GPC5: variants seen among roughly 807,000 people sequenced by gnomAD.
GPC5 encodes glypican-5.
Under a neutral mutation model 53.9 loss-of-function variants are expected in GPC5, and 47 were observed. The observed-to-expected ratio is 0.87, with a 90% CI of 0.69 to 1.11. GPC5 has a LOEUF of 1.11. Ranked by LOEUF, GPC5 falls within the 50% of genes most tolerant of loss-of-function variation. The pLI, the probability that GPC5 is intolerant of heterozygous loss-of-function variation, is 0.00. For synonymous variants in GPC5, 286 were observed against 263.3 expected (o/e 1.09, Z -0.84); for missense variants, 748 against 713.1 (o/e 1.05, Z -0.56).
intron 3 of GPC5, among the ~76,000 whole-genome samples, chr13:91,695,276 A>G (rs2035855458): frequency 6.6e-6 from 1 of 152,176 alleles, no homozygotes; most frequent in Non-Finnish European, 1.5e-5. Flanking sequence ...GCAATAAACC[A>G]TCTCAAAAGG....
intron 6 of GPC5, chr13:91,996,623 A>G (rs2040506366): frequency 6.6e-6 from 1 of 152,238 alleles, no homozygotes; most frequent in African/African-American, 2.4e-5. Context: ...CACTTAAGTC[A>G]TGAACTAGAA....
chr13:92,114,835 T>A (rs2041587737), intron 6 of GPC5, among the ~76,000 whole-genome samples: 2 of 152,198 alleles, frequency 1.3e-5, no homozygotes, highest in African/African-American at 4.8e-5. Flanking sequence ...AGTGGTTGAG[T>A]AGACAGCAGG....
chr13:92,046,446 T>G (rs984742359), intron 6 of GPC5, among the ~76,000 whole-genome samples: 8 of 152,210 alleles, frequency 5.3e-5, no homozygotes, highest in African/African-American at 1.9e-4. Context: ...GGAGTTTCAA[T>G]TGGATACTAT....
chr13:92,536,633 C>A (rs1230952365), intron 7 of GPC5, among the ~76,000 whole-genome samples: 3 of 151,906 alleles, frequency 2.0e-5, no homozygotes, highest in African/African-American at 4.8e-5. Context: ...TTTATAATGA[C>A]AAAAATCTGA....
intron 3 of GPC5, among the ~76,000 whole-genome samples, chr13:91,724,682 C>G (rs1404500037): frequency 6.6e-6 from 1 of 151,622 alleles, no homozygotes; most frequent in East Asian, 1.9e-4. Flanking sequence ...GATCCCATCT[C>G]TACAAAAAAA....
At chr13:91,683,891 A>C (rs890799207) in intron 2 of GPC5, among the ~76,000 whole-genome samples, 1 of 152,172 alleles carries the variant, frequency 6.6e-6, no homozygotes, top group African/African-American at 2.4e-5. Flanking sequence ...CCATTATAGC[A>C]AACATTTGCA....
rs560583792 is a variant in GPC5 at position 91,864,963 on chromosome 13, G to C, written c.1281-42974G>C. Among the ~76,000 whole-genome samples, 18 of 150,552 alleles carry C rather than the reference G, an allele frequency of 1.2e-4. No homozygotes were observed. In the South Asian group the frequency reaches 3.8e-3, roughly 32 times the overall value. The stretch of plus-strand genomic sequence containing the variant: ...TCTATCACCCAGGCTGGAGTGCAGT[G>C]GTGAGATCTTGGCTCACTGCAACCT... On this transcript the variant is annotated intron_variant, in intron 5 of 7. Coordinates refer to ENST00000377067, the MANE Select transcript of GPC5 (RefSeq NM_004466.6).
At chr13:92,358,665 C>A (rs1198617651) in intron 7 of GPC5, among the ~76,000 whole-genome samples, 1 of 151,806 alleles carries the variant, frequency 6.6e-6, no homozygotes, top group African/African-American at 2.4e-5. Flanking sequence ...CAGGCTTAAC[C>A]CCATGTGGAA....
chr13:91,769,072 G>A (rs575903230), intron 5 of GPC5, among the ~76,000 whole-genome samples: 57 of 152,258 alleles, frequency 3.7e-4, no homozygotes, highest in African/African-American at 6.3e-4. Context: ...TTATGTGATC[G>A]TGGGGACTGG....
intron 4 of GPC5, among the ~76,000 whole-genome samples, chr13:91,744,874 T>C (rs913161551): frequency 6.6e-6 from 1 of 152,098 alleles, no homozygotes; most frequent in African/African-American, 2.4e-5. Flanking sequence ...TGTATTAATA[T>C]CATTAGATTT....
chr13:91,502,285 A>C (rs1884681952), intron 2 of GPC5, among the ~76,000 whole-genome samples: 1 of 151,918 alleles, frequency 6.6e-6, no homozygotes, highest in Non-Finnish European at 1.5e-5. Context: ...TTTTGTTGCC[A>C]TTGCTTTTGG....
intron 2 of GPC5, among the ~76,000 whole-genome samples, chr13:91,570,299 C>A (rs1286956289): frequency 3.3e-5 from 5 of 152,096 alleles, no homozygotes; most frequent in African/African-American, 1.2e-4. Flanking sequence ...TCCAAAAATC[C>A]AAAATCCAAA....
intron 7 of GPC5, among the ~76,000 whole-genome samples, chr13:92,284,664 A>C (rs1374968678): frequency 1.3e-5 from 2 of 152,240 alleles, no homozygotes; most frequent in African/African-American, 2.4e-5. Flanking sequence ...CAATAGATGC[A>C]GAAAACGCCT....
At chr13:92,471,306 C>T (rs979180494) in intron 7 of GPC5, among the ~76,000 whole-genome samples, 1 of 152,036 alleles carries the variant, frequency 6.6e-6, no homozygotes, top group Non-Finnish European at 1.5e-5. Context: ...ACTTAAGAGG[C>T]CCAGGAAAGC....
At position 91,793,053 on chromosome 13, in the gene GPC5, G is replaced by A. The variant is rs953008; in HGVS notation, c.1280+36633G>A. 3.9e-3 allele frequency among the ~76,000 whole-genome samples: 592 copies of A among 152,242 alleles called. 6 individuals are homozygous for A. The highest frequency in any genetic ancestry group is 0.014 in the African/African-American group (563 of 41,538). On this transcript the variant is annotated intron_variant, in intron 5 of 7. Transcript: ENST00000377067. ...AGGCTAATGATAAGGAGATGTATTAGTCTGTTCTCATTCTGCTGCTGAAGA... is the reference window on the plus strand; with the variant it reads ...AGGCTAATGATAAGGAGATGTATTAATCTGTTCTCATTCTGCTGCTGAAGA...
At chr13:92,762,099 C>A (rs1875201771) in intron 7 of GPC5, among the ~76,000 whole-genome samples, 1 of 151,392 alleles carries the variant, frequency 6.6e-6, no homozygotes, top group Admixed American at 6.6e-5. Flanking sequence ...ATAAAAGTTA[C>A]TAGTAAAGGT....
intron 7 of GPC5, among the ~76,000 whole-genome samples, chr13:92,518,793 G>A (rs1880903312): frequency 1.3e-5 from 2 of 152,154 alleles, no homozygotes; most frequent in Admixed American, 1.3e-4. Flanking sequence ...AACCTTAAAT[G>A]TAAATGGGCT....
intron 7 of GPC5, among the ~76,000 whole-genome samples, chr13:92,365,706 A>G (rs1361940758): frequency 6.7e-6 from 1 of 150,374 alleles, no homozygotes; most frequent in East Asian, 1.9e-4. Context: ...AAAATCTAAG[A>G]CGAACACATT....
chr13:91,787,793 CAG>C (rs1423116134), intron 5 of GPC5, among the ~76,000 whole-genome samples: 2 of 152,058 alleles, frequency 1.3e-5, no homozygotes, highest in African/African-American at 4.8e-5. Flanking sequence ...TTTTCAATAA[CAG>C]AAGAGGGCTT....
Sources: gnomAD v4.1 joint callset for allele counts (sites outside exome capture counted in the v4.1 genomes callset) on GRCh38, gnomAD v4.1.1 for gene constraint, MANE v1.5 for transcripts, NCBI Gene and HGNC (gene_info 2026-07-23, HGNC 2026-07-21) for gene names.